NMNAT2: variants seen among roughly 807,000 people sequenced by gnomAD.
The protein encoded by NMNAT2 is nicotinamide/nicotinic acid mononucleotide adenylyltransferase 2.
Under a neutral mutation model 41.6 loss-of-function variants are expected in NMNAT2, and 11 were observed. The observed-to-expected ratio is 0.26, with a 90% confidence interval of 0.17 to 0.44. The LOEUF is 0.44. NMNAT2 is among the 20% of genes least tolerant of loss of function. NMNAT2 has a pLI of 1.00. For missense variants in NMNAT2, 288 were observed against 407.7 expected (o/e 0.71, Z 2.53); for synonymous variants, 148 against 151.2 (o/e 0.98, Z 0.16).
intron 8 of NMNAT2, among the ~76,000 whole-genome samples, chr1:183,272,250 A>G (rs1037455076): frequency 6.6e-6 from 1 of 152,198 alleles, no homozygotes; most frequent in African/African-American, 2.4e-5. Context: ...GGATGCCTGC[A>G]TTGATGCTGG....
At chr1:183,305,527 G>A (rs1164590053) in intron 1 of NMNAT2, among the ~76,000 whole-genome samples, 2 of 152,080 alleles carry the variant, frequency 1.3e-5, no homozygotes, top group African/African-American at 2.4e-5. Flanking sequence ...GGGATAATTC[G>A]AGCTTGAAAT....
At position 183,292,779 on chromosome 1, in the gene NMNAT2, G is replaced by C. The variant is rs201097145; in HGVS notation, c.242+11C>G. 1 of 1,613,044 alleles carries C rather than the reference G, an allele frequency of 6.2e-7. No homozygotes were observed. Among genetic ancestry groups the C allele is most frequent in the African/African-American group, 1.3e-5 (1 of 74,998 alleles). On this transcript the variant is annotated intron_variant, in intron 3 of 10. Coordinates refer to ENST00000287713, the MANE Select transcript of NMNAT2 (RefSeq NM_015039.4). ...GGGCCACTGCCTCTGGCATCTTCAG[G>C]CCAGTCCTACCTGATCCAATCAGAA...
At chr1:183,398,648 C>G (rs940070527) in intron 1 of NMNAT2, among the ~76,000 whole-genome samples, 62 of 152,248 alleles carry the variant, frequency 4.1e-4, no homozygotes, top group African/African-American at 1.5e-3. Flanking sequence ...CAAAATTGAC[C>G]ACATAGTTGG....
intron 1 of NMNAT2, among the ~76,000 whole-genome samples, chr1:183,365,235 C>A (rs1156229029): frequency 6.6e-6 from 1 of 151,746 alleles, no homozygotes; most frequent in Non-Finnish European, 1.5e-5. Flanking sequence ...GTGAGAAGAA[C>A]CCTTTGCATT....
At chr1:183,299,201 G>A (rs139823999) in intron 1 of NMNAT2, among the ~76,000 whole-genome samples, 8,244 of 151,902 alleles carry the variant, frequency 0.054, 633 homozygotes, top group African/African-American at 0.17. Context: ...GTGAAACCCC[G>A]TCTATACTAA....
intron 1 of NMNAT2, among the ~76,000 whole-genome samples, chr1:183,363,581 C>CAT (rs1663349813): frequency 6.9e-6 from 1 of 144,872 alleles, no homozygotes; most frequent in Admixed American, 6.9e-5. Context: ...CACACACATA[C>CAT]ACACACACAC....
intron 1 of NMNAT2, among the ~76,000 whole-genome samples, chr1:183,316,185 G>T (rs972824266): frequency 2.0e-5 from 3 of 152,130 alleles, no homozygotes; most frequent in Non-Finnish European, 2.9e-5. Flanking sequence ...CACTGACCCT[G>T]AGTGCTCCAG....
intron 1 of NMNAT2, among the ~76,000 whole-genome samples, chr1:183,374,916 T>A (rs990833590): frequency 6.6e-6 from 1 of 152,196 alleles, no homozygotes; most frequent in Admixed American, 6.5e-5. Flanking sequence ...TCCCTAGGAA[T>A]AGGATGTGTG....
rs1337410490 is a variant in NMNAT2, at chr1:183,308,881, G to GT, written c.86-15089dup. On this transcript the variant is annotated intron_variant, in intron 1 of 10. Coordinates refer to ENST00000287713, the MANE Select transcript of NMNAT2 (RefSeq NM_015039.4). ...TGCTGCAGAGAGAGGGAGGAGCTTT[G>GT]TAGCCCCTGAGGTGGGAGAGCTGGT... is the stretch of plus-strand genomic sequence containing the variant. 2.0e-5 allele frequency among the ~76,000 whole-genome samples: 3 copies of GT among 152,294 alleles called. No individual in the cohort carries two copies. The East Asian group carries it at 5.8e-4, about 29-fold the overall frequency.
chr1:183,313,898 G>A (rs1029181541), intron 1 of NMNAT2, among the ~76,000 whole-genome samples: 3 of 152,242 alleles, frequency 2.0e-5, no homozygotes, highest in Non-Finnish European at 2.9e-5. Flanking sequence ...TCTTGAAGCA[G>A]AAATCTCTGC....
At chr1:183,378,872 A>G (rs992335767) in intron 1 of NMNAT2, among the ~76,000 whole-genome samples, 10 of 151,994 alleles carry the variant, frequency 6.6e-5, no homozygotes, top group African/African-American at 1.7e-4. Flanking sequence ...GTGAAACTCC[A>G]TCTCTACTAA....
chr1:183,338,689 A>G (rs1176852066), intron 1 of NMNAT2, among the ~76,000 whole-genome samples: 1 of 152,200 alleles, frequency 6.6e-6, no homozygotes. Context: ...TCAGTTTGAA[A>G]AACTACTCCT....
chr1:183,284,133 GA>G, intron 6 of NMNAT2, 94 bp from the exon 7 acceptor site: 1 of 754,552 alleles, frequency 1.3e-6, no homozygotes, highest in Non-Finnish European at 2.1e-6. Flanking sequence ...GAATTATTGG[GA>G]TGGGGTGGGG....
At chr1:183,320,689 C>G (rs544365486) in intron 1 of NMNAT2, among the ~76,000 whole-genome samples, 2 of 152,176 alleles carry the variant, frequency 1.3e-5, no homozygotes, top group Non-Finnish European at 2.9e-5. Context: ...GACTGGGTCA[C>G]GAGACAGCTA....
chr1:183,295,546 A>G (rs1189138809), intron 1 of NMNAT2, among the ~76,000 whole-genome samples: 1 of 152,144 alleles, frequency 6.6e-6, no homozygotes, highest in African/African-American at 2.4e-5. Flanking sequence ...ACTATAGTCA[A>G]TAGTTTACAT....
At chr1:183,262,193 A>G (rs1037002623) in intron 8 of NMNAT2, among the ~76,000 whole-genome samples, 5 of 152,120 alleles carry the variant, frequency 3.3e-5, no homozygotes, top group Admixed American at 2.0e-4. Flanking sequence ...AGCCTCCCAA[A>G]GTGTTGAAAT....
intron 1 of NMNAT2, among the ~76,000 whole-genome samples, chr1:183,327,573 C>T (rs1474672210): frequency 1.3e-5 from 2 of 152,214 alleles, no homozygotes; most frequent in African/African-American, 4.8e-5. Context: ...ATTCAGACAT[C>T]TGTACACTGC....
At chr1:183,405,156 G>C (rs531022728) in intron 1 of NMNAT2, among the ~76,000 whole-genome samples, 2 of 152,244 alleles carry the variant, frequency 1.3e-5, no homozygotes, top group East Asian at 1.9e-4. Flanking sequence ...GGAGGTCAAG[G>C]CTGCAGTGAG....
At chr1:183,363,306 A>C (rs1663343758) in intron 1 of NMNAT2, among the ~76,000 whole-genome samples, 1 of 152,218 alleles carries the variant, frequency 6.6e-6, no homozygotes, top group East Asian at 1.9e-4. Context: ...TAGCTTTATT[A>C]TCTGTAAAAA....
Sources: allele counts gnomAD v4.1 joint callset (sites outside exome capture counted in the v4.1 genomes callset), GRCh38; gene constraint gnomAD v4.1.1; transcripts MANE v1.5; gene names NCBI Gene and HGNC (gene_info 2026-07-23, HGNC 2026-07-21).